SAMD11: variants seen among roughly 807,000 people sequenced by gnomAD.
SAMD11 encodes the protein sterile alpha motif domain-containing protein 11.
Under a neutral mutation model 64.4 loss-of-function variants are expected in SAMD11, and 77 were observed. The ratio of observed to expected loss-of-function variants is 1.20; its 90% CI spans 0.99 to 1.44. The LOEUF is 1.44. Ranked by LOEUF, SAMD11 falls within the 40% of genes most tolerant of loss-of-function variation. The probability of loss-of-function intolerance (pLI) is 0.00; values close to 1 mark genes in which losing one functional copy is unlikely to be tolerated. For synonymous variants in SAMD11, 658 were observed against 421.9 expected (o/e 1.56, Z -6.86); for missense variants, 1,402 against 943.3 (o/e 1.49, Z -6.37).
chr1:943,757 G>A lies in SAMD11; in HGVS notation c.2238G>A (p.Leu746=), dbSNP rs756683670. The change falls in exon 13 of 14, where the codon CTG becomes CTA. Residue 746 remains leucine (L), a synonymous_variant. Transcript: ENST00000616016. ...TGCCACTGCTGACGGAGGAGCACCTGCTGACCAACATGGGGCTGAAGCTGG... is the reference window on the plus strand; with the variant it reads ...TGCCACTGCTGACGGAGGAGCACCTACTGACCAACATGGGGCTGAAGCTGG... ...ETLPLLTEEH[L]LTNMGLKLGP... The A allele has an allele frequency of 1.3e-5, 21 of 1,611,370 alleles. No individual in the cohort carries two copies. The highest frequency in any genetic ancestry group is 1.7e-5 in the Non-Finnish European group (20 of 1,179,212).
Position 935,843 on chromosome 1 carries a change from A to C in SAMD11, c.914A>C (p.Gln305Pro). 6.2e-7 allele frequency: 1 copy of C among 1,613,314 alleles called. No individual in the cohort carries two copies. Among genetic ancestry groups the C allele is most frequent in the South Asian group, 1.1e-5 (1 of 91,078 alleles). ...CGCCACCTCGTTATGCCCGAGCATC[A>C]GAGCCGCTGTGAATTCCAGAGAGGC... Reference protein sequence around the residue: ...RSRHLVMPEHQSRCEFQRGSL... With the variant: ...RSRHLVMPEHPSRCEFQRGSL... The change falls in exon 5 of 14, where the codon CAG (glutamine) becomes CCG (proline). Residue 305 changes from glutamine (Q) to proline (P), a missense_variant. Transcript: ENST00000616016.
chr1:939,398 GCC>G lies in SAMD11; in HGVS notation c.1182_1183del (p.Leu395ProfsTer222), dbSNP rs1641627536. The G allele has an allele frequency of 1.9e-6, 3 of 1,591,264 alleles. No homozygotes were observed. In the African/African-American group the frequency reaches 5.2e-5, roughly 27 times the overall value. Reference sequence around the variant, plus strand: ...GACCCTCAGCGCCTCTACCACCTGGGCCTCCCCAGCCACGGTGAGGACCCACC... The same window carrying G: ...GACCCTCAGCGCCTCTACCACCTGGGTCCCCAGCCACGGTGAGGACCCACC... On this transcript the variant is annotated frameshift_variant, in exon 7 of 14. Transcript: ENST00000616016. LOFTEE classifies it high-confidence loss of function.
intron 2 of SAMD11, among the ~76,000 whole-genome samples, chr1:926,930 G>A (rs1033503993): frequency 9.9e-5 from 15 of 152,224 alleles, no homozygotes; most frequent in South Asian, 2.1e-4. Flanking sequence ...GCGTACCTCC[G>A]CTTGCCTGCT....
intron 3 of SAMD11, 103 bp downstream of exon 3, chr1:930,439 C>A: frequency 1.6e-6 from 2 of 1,275,358 alleles, no homozygotes; most frequent in Non-Finnish European, 2.1e-6. Flanking sequence ...GCCTCCCACA[C>A]CTTCCCTCAG....
chr1:937,320 G>A (rs1458510295), intron 5 of SAMD11, among the ~76,000 whole-genome samples: 2 of 152,048 alleles, frequency 1.3e-5, no homozygotes, highest in Admixed American at 6.5e-5. Flanking sequence ...TGTGAGACCC[G>A]CTGGGGTCCA....
rs1133980 is a variant in SAMD11, at chr1:944,372, G to A, written c.*219G>A. On this transcript the variant is annotated 3_prime_UTR_variant, in exon 14 of 14. Coordinates refer to ENST00000616016, the MANE Select transcript of SAMD11 (RefSeq NM_001385641.1). ...GGACGAGGTCTGCAGACGGAGGGCA[G>A]AGGTGGTGGAAGGGGCCAGGGGCCT... 7.4e-7 allele frequency: 1 copy of A among 1,358,466 alleles called. No homozygotes were observed. Among genetic ancestry groups the A allele is most frequent in the Non-Finnish European group, 9.4e-7 (1 of 1,060,422 alleles). 84.2% of individuals were successfully genotyped at this position (1,358,466 alleles called of 1,614,324 possible). A position where few individuals can be genotyped will look rare whatever the true frequency, so the allele number is the denominator to read the frequency against.
At chr1:941,898 C>A (rs1013973111) in intron 8 of SAMD11, among the ~76,000 whole-genome samples, 6 of 152,060 alleles carry the variant, frequency 3.9e-5, no homozygotes, top group Non-Finnish European at 5.9e-5. Context: ...GCCGGCGCCC[C>A]GCGCAGTAAT....
intron 5 of SAMD11, among the ~76,000 whole-genome samples, chr1:937,359 G>T (rs375680061): frequency 6.6e-6 from 1 of 151,860 alleles, no homozygotes; most frequent in Non-Finnish European, 1.5e-5. Context: ...GGCCTCATCG[G>T]CCTTCCTGCG....
At chr1:929,322 A>C (rs1641057568) in intron 2 of SAMD11, among the ~76,000 whole-genome samples, 1 of 152,180 alleles carries the variant, frequency 6.6e-6, no homozygotes, top group African/African-American at 2.4e-5. Flanking sequence ...GTGGGTGCAA[A>C]GGAGATGGGA....
chr1:935,672 C>T lies in SAMD11; in HGVS notation c.843-100C>T, dbSNP rs974326224. 4 of 1,511,222 alleles carry T rather than the reference C, an allele frequency of 2.6e-6. No homozygotes were observed. The East Asian group carries it at 6.8e-5, about 26-fold the overall frequency. 93.6% of individuals were successfully genotyped at this position (1,511,222 alleles called of 1,614,324 possible). ...CAGCAACGTGGCACTCAGAGGTCAT[C>T]CCCACGCTCACACACAGAGCTAGGC... On this transcript the variant is annotated intron_variant, in intron 4 of 13. Coordinates refer to ENST00000616016, the MANE Select transcript of SAMD11 (RefSeq NM_001385641.1).
chr1:935,633 C>T, intron 4 of SAMD11, 139 bp from the exon 5 acceptor site: 4 of 1,176,308 alleles, frequency 3.4e-6, no homozygotes, highest in Non-Finnish European at 4.9e-6. Flanking sequence ...GGGCCACATG[C>T]CGAGGCGTGG....
In SAMD11 at chr1:944,228, CGCTT is replaced by C; in HGVS notation, c.*76_*79del. The C allele has an allele frequency of 6.9e-7, 1 of 1,458,160 alleles. No homozygotes were observed. The highest frequency in any genetic ancestry group is 9.0e-7 in the Non-Finnish European group (1 of 1,106,038). The allele number at this position is 1,458,160 out of a possible 1,614,324, so 90.3% of individuals were successfully genotyped here. On this transcript the variant is annotated 3_prime_UTR_variant, in exon 14 of 14. Transcript: ENST00000616016. Reference sequence around the variant, plus strand: ...TCAACACAATGGCCCTGCCTCCCACCGCTTTATTTCTTTCGGTTTCGGATGCAAA... The same window carrying C: ...TCAACACAATGGCCCTGCCTCCCACCTATTTCTTTCGGTTTCGGATGCAAA...
intron 1 of SAMD11, among the ~76,000 whole-genome samples, chr1:925,391 A>C (rs1418540817): frequency 1.6e-5 from 2 of 122,522 alleles, no homozygotes; most frequent in Non-Finnish European, 3.8e-5. Context: ...CGGCGGCGCC[A>C]GGTCACACAA....
In SAMD11 at chr1:930,167, C is replaced by T. The variant is rs1569870233; in HGVS notation, c.622C>T (p.Leu208=). 2.4e-5 allele frequency: 37 copies of T among 1,557,484 alleles called. No individual in the cohort carries two copies. The East Asian group carries it at 8.9e-4, about 37-fold the overall frequency. The change falls in exon 3 of 14, where the codon CTG becomes TTG. Residue 208 remains leucine, a synonymous_variant. Coordinates refer to ENST00000616016, the MANE Select transcript of SAMD11 (RefSeq NM_001385641.1). Reference sequence around the variant, plus strand: ...CCTGCCCCACCAGAACCGGGGGCGGCTGGCAGACAAGAGGACAGTCGCCCT... The same window carrying T: ...CCTGCCCCACCAGAACCGGGGGCGGTTGGCAGACAAGAGGACAGTCGCCCT... The part of the protein sequence containing the change: ...RISSPVNRGR[L]ADKRTVALPA...
At chr1:929,849 G>T (rs1247369135) in intron 2 of SAMD11, among the ~76,000 whole-genome samples, 1 of 152,212 alleles carries the variant, frequency 6.6e-6, no homozygotes, top group Non-Finnish European at 1.5e-5. Flanking sequence ...GTGGGGTGGG[G>T]CAGGGGAGGG....
Position 942,916 on chromosome 1 carries a change from C to G in SAMD11, c.1911C>G (p.Pro637=), listed in dbSNP as rs72902601. 278 of 1,555,616 alleles carry G rather than the reference C, an allele frequency of 1.8e-4. No individual in the cohort carries two copies. The African/African-American group carries it at 3.6e-3, about 20-fold the overall frequency. ...EPPKDSDGED[P]ETAAVGCRGP... ...CCAAAGACTCGGACGGAGAGGACCC[C>G]GAGACGGCAGCTGTTGGGTGCAGGG... The change falls in exon 11 of 14, where the codon CCC becomes CCG. Residue 637 remains proline, a synonymous_variant. Transcript: ENST00000616016.
chr1:943,471 C>T (rs1483094966), intron 12 of SAMD11, 94 bp downstream of exon 12: 12 of 1,143,118 alleles, frequency 1.0e-5, no homozygotes, highest in African/African-American at 1.6e-5. Flanking sequence ...CATTCCCCAA[C>T]GCCCTCTCCC....
Position 942,834 on chromosome 1 carries a change from C to A in SAMD11, c.1829C>A (p.Ser610Tyr). 6.4e-7 allele frequency: 1 copy of A among 1,550,578 alleles called. No individual in the cohort carries two copies. ...PGPASARPSE[S>Y]KEMTGARLWA... Reference sequence around the variant, plus strand: ...CCTGCCTCAGCGCGGCCCAGCGAGTCCAAGGAGATGACGGGGGCTAGGCTC... The same window carrying A: ...CCTGCCTCAGCGCGGCCCAGCGAGTACAAGGAGATGACGGGGGCTAGGCTC... Residue 610 changes from serine to tyrosine, a missense_variant, in exon 11 of 14, where the codon TCC becomes TAC. Ser to Tyr is a moderately radical substitution (Grantham distance 144). Transcript: ENST00000616016.
At chr1:941,986 G>A in intron 8 of SAMD11, 150 bp from the exon 9 acceptor site, 1 of 377,882 alleles carries the variant, frequency 2.6e-6, no homozygotes, top group East Asian at 3.9e-5. Flanking sequence ...GCCGGCGGGG[G>A]CGGGGATGGC....
Sources: gnomAD v4.1 joint callset for allele counts (sites outside exome capture counted in the v4.1 genomes callset) on GRCh38, gnomAD v4.1.1 for gene constraint, MANE v1.5 for transcripts, NCBI Gene and HGNC (gene_info 2026-07-23, HGNC 2026-07-21) for gene names.